Variants in TMEM132D observed in about 807,000 individuals in gnomAD.
TMEM132D encodes the protein transmembrane protein 132D.
A neutral mutation model predicts 62.3 loss-of-function variants in TMEM132D; 21 were observed. That is an observed-to-expected ratio of 0.34 (90% CI 0.24 to 0.49). TMEM132D has a LOEUF of 0.49. Ranked by LOEUF, TMEM132D falls within the 20% of genes least tolerant of loss-of-function variation. The probability of loss-of-function intolerance (pLI) is 0.99; values close to 1 mark genes in which losing one functional copy is unlikely to be tolerated. For synonymous variants in TMEM132D, 621 were observed against 575.6 expected (o/e 1.08, Z -1.13); for missense variants, 1,346 against 1,402.8 (o/e 0.96, Z 0.65).
rs989487474 is a variant in TMEM132D at position 129,827,121 on chromosome 12, A to C, written c.79+76140T>G. Among the ~76,000 whole-genome samples, 3 of 152,232 alleles carry C rather than the reference A, an allele frequency of 2.0e-5. No homozygotes were observed. Among genetic ancestry groups the C allele is most frequent in the Admixed American group, 6.5e-5 (1 of 15,292 alleles). ...AGAAGGCAATTTAACATCTCATAAC[A>C]ATCACTCTTAATAATAGCAATTAAT... On this transcript the variant is annotated intron_variant, in intron 1 of 8. Coordinates refer to ENST00000422113, the MANE Select transcript of TMEM132D (RefSeq NM_133448.3). This position sits in a 1 kb window ranked among gnomAD's most constrained non-coding sequence, Gnocchi z 9.7.
chr12:129,779,201 G>C lies in TMEM132D; in HGVS notation c.80-78503C>G, dbSNP rs1158577655. On this transcript the variant is annotated intron_variant, in intron 1 of 8. Coordinates refer to ENST00000422113, the MANE Select transcript of TMEM132D (RefSeq NM_133448.3). This position sits in a 1 kb window ranked among gnomAD's most constrained non-coding sequence, Gnocchi z 4.1. ...AGGATCCATCTGGAAAGCCCCATTT[G>C]ATGCTTTAACATGCAGAGTAGAACG... is the stretch of plus-strand genomic sequence containing the variant. 2.0e-5 allele frequency among the ~76,000 whole-genome samples: 3 copies of C among 152,234 alleles called. No homozygotes were observed. Among genetic ancestry groups the C allele is most frequent in the Non-Finnish European group, 2.9e-5 (2 of 68,052 alleles).
At chr12:129,224,043 C>T (rs770436135) in intron 4 of TMEM132D, among the ~76,000 whole-genome samples, 1 of 152,182 alleles carries the variant, frequency 6.6e-6, no homozygotes, top group Non-Finnish European at 1.5e-5. Context: ...CCTAGTATGA[C>T]AGCCCAAAAT....
intron 5 of TMEM132D, among the ~76,000 whole-genome samples, chr12:129,116,038 G>A (rs1875882061): frequency 6.6e-6 from 1 of 152,240 alleles, no homozygotes; most frequent in Non-Finnish European, 1.5e-5. Flanking sequence ...CATCTGCAGA[G>A]AAATTCCCCC....
chr12:129,780,061 A>C (rs1331820132), intron 1 of TMEM132D, among the ~76,000 whole-genome samples: 1 of 152,034 alleles, frequency 6.6e-6, no homozygotes, highest in Non-Finnish European at 1.5e-5. Context: ...CCTGAAGCTA[A>C]GAGCAGACTT....
chr12:129,462,226 C>T (rs10773666), intron 3 of TMEM132D, among the ~76,000 whole-genome samples: 149,750 of 152,208 alleles, frequency 0.98, 73,712 homozygotes, highest in East Asian at 1. Context: ...AAGTTATTGA[C>T]GAAAGGGAGT....
chr12:129,805,014 A>G lies in TMEM132D; in HGVS notation c.79+98247T>C, dbSNP rs1480244270. 3.4e-5 allele frequency among the ~76,000 whole-genome samples: 5 copies of G among 146,374 alleles called. No individual in the cohort carries two copies. In the South Asian group the frequency reaches 1.1e-3, roughly 33 times the overall value. ...GTGAAGAACCTATTCAAGAAGAACT[A>G]CAAACCACTGCTCAAGGAAATAAAA... On this transcript the variant is annotated intron_variant, in intron 1 of 8. Coordinates refer to ENST00000422113, the MANE Select transcript of TMEM132D (RefSeq NM_133448.3).
chr12:129,417,980 C>T lies in TMEM132D; in HGVS notation c.1116-80163G>A, dbSNP rs949912142. On this transcript the variant is annotated intron_variant, in intron 3 of 8. Transcript: ENST00000422113. ...ATCGTCACTGGTCATTAGAGAAATG[C>T]AAATCAAAACCACAATGAGCTACCA... 3.5e-4 allele frequency among the ~76,000 whole-genome samples: 53 copies of T among 152,172 alleles called. 1 individual carries two copies. Among genetic ancestry groups the T allele is most frequent in the Non-Finnish European group, 6.0e-4 (41 of 68,042 alleles).
intron 1 of TMEM132D, among the ~76,000 whole-genome samples, chr12:129,712,354 G>C (rs909261327): frequency 6.6e-6 from 1 of 152,158 alleles, no homozygotes; most frequent in African/African-American, 2.4e-5. Context: ...TCGATCTCCT[G>C]AGCTCGTGAT....
intron 3 of TMEM132D, among the ~76,000 whole-genome samples, chr12:129,415,137 G>A (rs182064798): frequency 5.1e-4 from 77 of 152,354 alleles, no homozygotes; most frequent in Admixed American, 2.7e-3. Flanking sequence ...GAGTGTGGGA[G>A]TGGAGGTGTC....
chr12:129,806,736 A>C (rs1303660204), intron 1 of TMEM132D, among the ~76,000 whole-genome samples: 1 of 152,140 alleles, frequency 6.6e-6, no homozygotes, highest in Non-Finnish European at 1.5e-5. Flanking sequence ...AAAATAAAGT[A>C]ATTACCAGGC....
At chr12:129,472,356 T>A (rs1338214048) in intron 3 of TMEM132D, among the ~76,000 whole-genome samples, 1 of 152,186 alleles carries the variant, frequency 6.6e-6, no homozygotes, top group Non-Finnish European at 1.5e-5. Context: ...ACACCTCATG[T>A]TCTCACTCAT....
At chr12:129,369,207 GTGT>G (rs1488134299) in intron 3 of TMEM132D, among the ~76,000 whole-genome samples, 1 of 152,186 alleles carries the variant, frequency 6.6e-6, no homozygotes, top group Admixed American at 6.5e-5. Flanking sequence ...CATATCTGTG[GTGT>G]CTGTGTGCAG....
At chr12:129,537,922 T>C (rs1876448155) in intron 2 of TMEM132D, among the ~76,000 whole-genome samples, 1 of 89,604 alleles carries the variant, frequency 1.1e-5, no homozygotes, top group Non-Finnish European at 2.1e-5. Flanking sequence ...AAGCACAAAA[T>C]ACACTAACGT....
intron 4 of TMEM132D, among the ~76,000 whole-genome samples, chr12:129,299,400 T>C (rs1881654028): frequency 6.6e-6 from 1 of 151,822 alleles, no homozygotes; most frequent in South Asian, 2.1e-4. Flanking sequence ...AATGTCTCTT[T>C]TCTGTTTCAC....
At chr12:129,158,827 C>T (rs1370781694) in intron 5 of TMEM132D, among the ~76,000 whole-genome samples, 1 of 152,176 alleles carries the variant, frequency 6.6e-6, no homozygotes, top group Non-Finnish European at 1.5e-5. Context: ...GTTTAATTGA[C>T]TCACAGTTCT....
At chr12:129,743,171 C>A (rs1478432820) in intron 1 of TMEM132D, among the ~76,000 whole-genome samples, 1 of 152,228 alleles carries the variant, frequency 6.6e-6, no homozygotes, top group Non-Finnish European at 1.5e-5. Context: ...CACACAGCCT[C>A]TGTAGTACTG....
intron 3 of TMEM132D, among the ~76,000 whole-genome samples, chr12:129,496,178 C>T (rs143208826): frequency 3.9e-5 from 6 of 152,212 alleles, no homozygotes; most frequent in Non-Finnish European, 5.9e-5. Flanking sequence ...AGTGAATACT[C>T]GCACAAGTTT....
chr12:129,761,437 C>A (rs543654362), intron 1 of TMEM132D, among the ~76,000 whole-genome samples: 2 of 152,278 alleles, frequency 1.3e-5, no homozygotes, highest in South Asian at 2.1e-4. Context: ...TAGTGATACT[C>A]GGGAGTCAGG....
intron 2 of TMEM132D, among the ~76,000 whole-genome samples, chr12:129,596,328 C>T (rs550141269): frequency 1.8e-4 from 28 of 152,238 alleles, no homozygotes; most frequent in African/African-American, 6.3e-4. Context: ...TCTGGTGAGA[C>T]GATGTTCTTC....
Sources: gnomAD v4.1 joint callset for allele counts (sites outside exome capture counted in the v4.1 genomes callset) on GRCh38, gnomAD v4.1.1 for gene constraint, Gnocchi (gnomAD v3.1) non-coding constraint, MANE v1.5 for transcripts, NCBI Gene and HGNC (gene_info 2026-07-23, HGNC 2026-07-21) for gene names.